GRHL3: variants seen among roughly 807,000 people sequenced by gnomAD.
The protein encoded by GRHL3 is grainyhead-like protein 3 homolog.
Under a neutral mutation model 70.3 loss-of-function variants are expected in GRHL3, and 20 were observed. The observed-to-expected ratio is 0.28, with a 90% CI of 0.20 to 0.41. GRHL3 has a LOEUF of 0.41. GRHL3 is among the 10% of genes least tolerant of loss of function. The pLI, the probability that GRHL3 is intolerant of heterozygous loss-of-function variation, is 1.00. For synonymous variants in GRHL3, 299 were observed against 299.9 expected (o/e 1.00, Z 0.03); for missense variants, 637 against 762.3 (o/e 0.84, Z 1.94).
chr1:24,360,663 C>G (rs1641044628), intron 15 of GRHL3, among the ~76,000 whole-genome samples: 1 of 152,162 alleles, frequency 6.6e-6, no homozygotes, highest in Non-Finnish European at 1.5e-5. Context: ...CTCTAAGAGC[C>G]CTTTCACCTT....
rs74062161 is a variant in GRHL3 at position 24,347,787 on chromosome 1, C to A, written c.1629+234C>A. On this transcript the variant is annotated intron_variant, in intron 14 of 15. Coordinates refer to ENST00000361548, the MANE Select transcript of GRHL3 (RefSeq NM_198173.3). Reference sequence around the variant, plus strand: ...CCTGGGAGTCGCACACACCATAAATCCTCCTTGATCTGATGGCTGCTGTCT... The same window carrying A: ...CCTGGGAGTCGCACACACCATAAATACTCCTTGATCTGATGGCTGCTGTCT... Among the ~76,000 whole-genome samples the A allele has an allele frequency of 0.026, 4,028 of 152,294 alleles. 190 individuals carry two copies. The highest frequency in any genetic ancestry group is 0.09 in the African/African-American group (3,749 of 41,556).
chr1:24,353,354 T>C lies in GRHL3; in HGVS notation c.1695-1020T>C, dbSNP rs147188836. ...GGCCTCAGTGAATATAGGGGATGAA[T>C]GGGAAGATGACGGCAGGTGGGCAGG... On this transcript the variant is annotated intron_variant, in intron 15 of 15. Coordinates refer to ENST00000361548, the MANE Select transcript of GRHL3 (RefSeq NM_198173.3). Among the ~76,000 whole-genome samples the C allele has an allele frequency of 3.2e-3, 482 of 151,942 alleles. 1 individual carries two copies. The highest frequency in any genetic ancestry group is 0.011 in the African/African-American group (436 of 41,414).
chr1:24,336,814 A>T lies in GRHL3; in HGVS notation c.599A>T (p.Asp200Val). 6.2e-7 allele frequency: 1 copy of T among 1,605,354 alleles called. No homozygotes were observed. The highest frequency in any genetic ancestry group is 8.5e-7 in the Non-Finnish European group (1 of 1,174,500). Residue 200 changes from aspartate (D) to valine (V), a missense_variant, in exon 4 of 16, where the codon GAT becomes GTT. This residue lies in a region of GRHL3 where 250 missense variants were observed against 248.6 expected (regional missense o/e 1.01). Transcript: ENST00000361548. Reference protein sequence around the residue: ...QRWQPDSTFKDDPQESMLFPD... With the variant: ...QRWQPDSTFKVDPQESMLFPD... ...TGGCAGCCAGACAGCACCTTCAAAG[A>T]TGACCCACAGGAGGTGAGGGCGCAT...
chr1:24,326,471 A>G (rs1313892590), intron 1 of GRHL3, among the ~76,000 whole-genome samples: 2 of 147,724 alleles, frequency 1.4e-5, no homozygotes, highest in Admixed American at 1.4e-4. Flanking sequence ...GGGTTCAGGC[A>G]GGTCAGAAGT....
intron 1 of GRHL3, chr1:24,323,004 C>T (rs1032294716): frequency 8.6e-6 from 12 of 1,388,474 alleles, no homozygotes; most frequent in African/African-American, 1.4e-5. Flanking sequence ...TAGGCCACCC[C>T]GCTTCCTCTG....
intron 8 of GRHL3, 97 bp downstream of exon 8, chr1:24,339,859 C>A: frequency 1.4e-6 from 1 of 726,392 alleles, no homozygotes; most frequent in Non-Finnish European, 2.3e-6. Context: ...GTGTCATTTG[C>A]TCCGACGAGG....
At position 24,319,448 on chromosome 1, in the gene GRHL3, A is replaced by T; in HGVS notation, c.-104A>T. On this transcript the variant is annotated 5_prime_UTR_variant, in exon 1 of 16. Coordinates refer to ENST00000361548, the MANE Select transcript of GRHL3 (RefSeq NM_198173.3). The stretch of plus-strand genomic sequence containing the variant: ...ATCTCGACACCCAAACCTCAACATA[A>T]ATCAAACACTTTCCCGGGCAGAGAA... 2 of 1,266,760 alleles carry T rather than the reference A, an allele frequency of 1.6e-6. No individual in the cohort carries two copies. Among genetic ancestry groups the T allele is most frequent in the South Asian group, 2.4e-5 (2 of 84,170 alleles). The allele number at this position is 1,266,760 out of a possible 1,614,324, so 78.5% of individuals were successfully genotyped here.
At chr1:24,359,501 T>C (rs1412685911), downstream of GRHL3, among the ~76,000 whole-genome samples, 3 of 152,216 alleles carry the variant, frequency 2.0e-5, no homozygotes, top group African/African-American at 4.8e-5. This position sits in a 1 kb window ranked among gnomAD's most constrained non-coding sequence, Gnocchi z 5.3. Flanking sequence ...GGTGTGATTA[T>C]CACCACATTT....
rs1281688240 is a variant in GRHL3, at chr1:24,319,501, A to T, written c.-51A>T. ...TCTGTGTCAGGCAAGAATTAGAGACAAGCGGTCAGCAGAGCCTCAGTGCTG... is the reference window on the plus strand; with the variant it reads ...TCTGTGTCAGGCAAGAATTAGAGACTAGCGGTCAGCAGAGCCTCAGTGCTG... On this transcript the variant is annotated 5_prime_UTR_variant, in exon 1 of 16. Transcript: ENST00000361548. 6 of 1,518,164 alleles carry T rather than the reference A, an allele frequency of 4.0e-6. No individual in the cohort carries two copies. The highest frequency in any genetic ancestry group is 1.7e-4 in the Middle Eastern group (1 of 5,894). The allele number at this position is 1,518,164 out of a possible 1,614,324, so 94.0% of individuals were successfully genotyped here.
rs759267741 is a variant in GRHL3 at position 24,338,040 on chromosome 1, C to G, written c.889C>G (p.Leu297Val). The change falls in exon 7 of 16, where the codon CTG becomes GTG. Residue 297 changes from leucine to valine, a missense_variant. By Grantham distance (32) the Leu-to-Val change is conservative. Coordinates refer to ENST00000361548, the MANE Select transcript of GRHL3 (RefSeq NM_198173.3). Reference protein sequence around the residue: ...FDNEKVPVEQLRFWKHWHSRQ... With the variant: ...FDNEKVPVEQVRFWKHWHSRQ... Reference sequence around the variant, plus strand: ...CAATGAGAAGGTCCCAGTAGAGCAGCTGCGCTTCTGGAAGCACTGGCATTC... The same window carrying G: ...CAATGAGAAGGTCCCAGTAGAGCAGGTGCGCTTCTGGAAGCACTGGCATTC... The G allele has an allele frequency of 6.2e-7, 1 of 1,613,298 alleles. No homozygotes were observed. The highest frequency in any genetic ancestry group is 8.5e-7 in the Non-Finnish European group (1 of 1,179,620).
intron 15 of GRHL3, among the ~76,000 whole-genome samples, chr1:24,360,402 C>T (rs1186096364): frequency 2.6e-5 from 4 of 152,142 alleles, no homozygotes; most frequent in Non-Finnish European, 5.9e-5. Flanking sequence ...GCCAAGACCG[C>T]ACTACTGCAC....
chr1:24,360,942 G>A, intron 15 of GRHL3: 2 of 1,614,094 alleles, frequency 1.2e-6, no homozygotes, highest in Non-Finnish European at 1.7e-6. Context: ...GCTTGCGGGG[G>A]CCTAAGTAGT....
chr1:24,354,426 G>T lies in GRHL3; in HGVS notation c.1747G>T (p.Ala583Ser). The T allele has an allele frequency of 6.2e-7, 1 of 1,613,924 alleles. No homozygotes were observed. Among genetic ancestry groups the T allele is most frequent in the African/African-American group, 1.3e-5 (1 of 75,002 alleles). ...CATTCAGCATTACAGCAACCACGTC[G>T]CCTTCCTGCTGGACATGGGGGAGCT... ...NIIQHYSNHV[A>S]FLLDMGELDG... The change falls in exon 16 of 16, where the codon GCC (alanine) becomes TCC (serine). Residue 583 changes from alanine (A) to serine (S), a missense_variant. Ala to Ser is a moderately conservative substitution (Grantham distance 99). Around this residue, in one of 2 missense-constraint regions of GRHL3, gnomAD observed 387 missense variants for 513.8 expected, o/e 0.75. Transcript: ENST00000361548.
intron 15 of GRHL3, among the ~76,000 whole-genome samples, chr1:24,352,950 A>G (rs953924106): frequency 6.6e-5 from 10 of 152,210 alleles, no homozygotes; most frequent in Non-Finnish European, 1.5e-5. Context: ...CTTCGGGTCC[A>G]TGTTGTCTCC....
intron 8 of GRHL3, among the ~76,000 whole-genome samples, chr1:24,341,695 G>A (rs1271386852): frequency 6.6e-6 from 1 of 152,158 alleles, no homozygotes; most frequent in East Asian, 1.9e-4. Flanking sequence ...TCCTTGTGCT[G>A]GGGACAGGGG....
At position 24,354,451 on chromosome 1, in the gene GRHL3, T is replaced by A. The variant is rs779492287; in HGVS notation, c.1772T>A (p.Leu591Gln). 4 of 1,613,664 alleles carry A rather than the reference T, an allele frequency of 2.5e-6. No homozygotes were observed. The Admixed American group carries it at 6.7e-5, about 27-fold the overall frequency. Reference protein sequence around the residue: ...HVAFLLDMGELDGKIQIILKE... With the variant: ...HVAFLLDMGEQDGKIQIILKE... ...GCCTTCCTGCTGGACATGGGGGAGCTGGACGGCAAAATTCAGATCATCCTT... is the reference window on the plus strand; with the variant it reads ...GCCTTCCTGCTGGACATGGGGGAGCAGGACGGCAAAATTCAGATCATCCTT... The change falls in exon 16 of 16, where the codon CTG (leucine) becomes CAG (glutamine). Residue 591 changes from leucine to glutamine, a missense_variant. Coordinates refer to ENST00000361548, the MANE Select transcript of GRHL3 (RefSeq NM_198173.3).
rs373650845 is a variant in GRHL3 at position 24,334,696 on chromosome 1, C to A, written c.256C>A (p.Gln86Lys). 1.2e-6 allele frequency: 2 copies of A among 1,610,484 alleles called. No individual in the cohort carries two copies. The highest frequency in any genetic ancestry group is 1.7e-6 in the Non-Finnish European group (2 of 1,178,690). Residue 86 changes from glutamine to lysine, a missense_variant, in exon 3 of 16, where the codon CAA becomes AAA. Physicochemically the swap from Gln to Lys is moderately conservative, Grantham distance 53 (BLOSUM62 1). This residue lies in a region of GRHL3 where 250 missense variants were observed against 248.6 expected (regional missense o/e 1.01). Coordinates refer to ENST00000361548, the MANE Select transcript of GRHL3 (RefSeq NM_198173.3). This position sits in a 1 kb window ranked among gnomAD's most constrained non-coding sequence, Gnocchi z 4.3. Reference protein sequence around the residue: ...LSSSTGGRNDQGKRYYHGMEY... With the variant: ...LSSSTGGRNDKGKRYYHGMEY... ...CTCCAGCACTGGGGGCAGGAATGAC[C>A]AAGGAAAGAGGTGAGGCTTGCCAAC...
At chr1:24,331,279 G>GC (rs1336539050) in intron 1 of GRHL3, 147 bp from the exon 2 acceptor site, 1 of 672,714 alleles carries the variant, frequency 1.5e-6, no homozygotes, top group East Asian at 2.7e-5. Context: ...CCATTCTGCT[G>GC]CCCCACACTG....
intron 15 of GRHL3, among the ~76,000 whole-genome samples, chr1:24,351,002 G>T (rs1443177444): frequency 4.6e-5 from 7 of 152,186 alleles, no homozygotes; most frequent in Non-Finnish European, 8.8e-5. Context: ...CACCAGCCTG[G>T]CATAGGGCCC....
Sources: allele counts gnomAD v4.1 joint callset (sites outside exome capture counted in the v4.1 genomes callset), GRCh38; gene constraint gnomAD v4.1.1; regional missense constraint gnomAD v4.1.1; non-coding constraint Gnocchi (gnomAD v3.1); transcripts MANE v1.5; gene names NCBI Gene and HGNC (gene_info 2026-07-23, HGNC 2026-07-21).